The following SLC9C1 variants were observed in gnomAD, a reference collection of about 807,000 sequenced individuals.
The protein encoded by SLC9C1 is solute carrier family 9 member C1.
SLC9C1 carries 97 observed loss-of-function variants against 140.9 expected under a neutral mutation model. That is an observed-to-expected ratio of 0.69 (90% CI 0.58 to 0.82). SLC9C1 has a LOEUF of 0.82. SLC9C1 is among the 40% of genes least tolerant of loss of function. The pLI, the probability that SLC9C1 is intolerant of heterozygous loss-of-function variation, is 0.00. For synonymous variants in SLC9C1, 440 were observed against 442.6 expected (o/e 0.99, Z 0.07); for missense variants, 1,340 against 1,389.3 (o/e 0.96, Z 0.56).
At chr3:112,206,691 T>C (rs993356008) in intron 16 of SLC9C1, among the ~76,000 whole-genome samples, 4 of 151,964 alleles carry the variant, frequency 2.6e-5, no homozygotes, top group Non-Finnish European at 4.4e-5. Context: ...ATGTCCTTTG[T>C]AGGGACATGG....
At chr3:112,191,118 G>GT (rs2077652525) in intron 20 of SLC9C1, among the ~76,000 whole-genome samples, 3 of 152,000 alleles carry the variant, frequency 2.0e-5, no homozygotes, top group African/African-American at 4.8e-5. Flanking sequence ...GTTTTTGATG[G>GT]TTTTCTCTAT....
At chr3:112,147,674 T>C (rs930697593) in intron 28 of SLC9C1, among the ~76,000 whole-genome samples, 4 of 152,154 alleles carry the variant, frequency 2.6e-5, no homozygotes, top group African/African-American at 9.7e-5. Flanking sequence ...GGAGTTCCCA[T>C]TGTATGTTAT....
At position 112,263,000 on chromosome 3, in the gene SLC9C1, C is replaced by G. The variant is rs754844453; in HGVS notation, c.1121G>C (p.Gly374Ala). 16 of 1,606,430 alleles carry G rather than the reference C, an allele frequency of 1.0e-5. No homozygotes were observed. The highest frequency in any genetic ancestry group is 1.7e-6 in the Non-Finnish European group (2 of 1,176,702). The change falls in exon 10 of 29, where the codon GGG becomes GCG. Residue 374 changes from glycine to alanine, a missense_variant. Transcript: ENST00000305815. ...AAGGGCCATGTTTATATTAGGCATC[C>G]CCTTCATTTCACTACAGACCATTAT... Reference protein sequence around the residue: ...IFIMVCSEMKGMPNINMALLL... With the variant: ...IFIMVCSEMKAMPNINMALLL...
At chr3:112,247,382 A>T (rs1223847473) in intron 10 of SLC9C1, among the ~76,000 whole-genome samples, 1 of 152,220 alleles carries the variant, frequency 6.6e-6, no homozygotes, top group African/African-American at 2.4e-5. Context: ...GTGTTGAAAT[A>T]TAAAACTATT....
rs547180782 is a variant in SLC9C1, at chr3:112,196,980, A to G, written c.2523+2341T>C. ...TTTAAAAAAAAAAAACTGAATTTGA[A>G]TTAAACAATGTGGTAATTCTGGAAC... On this transcript the variant is annotated intron_variant, in intron 20 of 28. Coordinates refer to ENST00000305815, the MANE Select transcript of SLC9C1 (RefSeq NM_183061.3). 6.6e-5 allele frequency among the ~76,000 whole-genome samples: 10 copies of G among 150,834 alleles called. No individual in the cohort carries two copies. The South Asian group carries it at 2.1e-3, about 31-fold the overall frequency.
At chr3:112,263,701 G>A (rs982693787) in intron 9 of SLC9C1, among the ~76,000 whole-genome samples, 4 of 151,676 alleles carry the variant, frequency 2.6e-5, no homozygotes, top group Non-Finnish European at 4.4e-5. Flanking sequence ...TAGTTATGGT[G>A]GTTTTTCTCA....
intron 22 of SLC9C1, among the ~76,000 whole-genome samples, chr3:112,180,273 G>A (rs2077414181): frequency 6.6e-6 from 1 of 152,244 alleles, no homozygotes; most frequent in Non-Finnish European, 1.5e-5. Context: ...TGTAACCCCA[G>A]CACTTTGGGA....
intron 18 of SLC9C1, 86 bp from the exon 19 acceptor site, chr3:112,200,848 C>A: frequency 8.4e-7 from 1 of 1,195,158 alleles, no homozygotes; most frequent in South Asian, 1.4e-5. Context: ...GATTTTTAAC[C>A]TAAGTTAATA....
At chr3:112,238,936 C>T (rs2079066918) in intron 12 of SLC9C1, among the ~76,000 whole-genome samples, 1 of 152,206 alleles carries the variant, frequency 6.6e-6, no homozygotes, top group African/African-American at 2.4e-5. Context: ...TCTGTCTGTT[C>T]TCAGATCTCA....
intron 13 of SLC9C1, among the ~76,000 whole-genome samples, chr3:112,229,285 A>G (rs2078759885): frequency 1.3e-5 from 2 of 152,096 alleles, no homozygotes; most frequent in Non-Finnish European, 2.9e-5. Context: ...ATTATAGTAA[A>G]CACTAATCTA....
chr3:112,150,309 T>C (rs1403362012), intron 28 of SLC9C1, among the ~76,000 whole-genome samples: 1 of 152,182 alleles, frequency 6.6e-6, no homozygotes, highest in East Asian at 1.9e-4. Context: ...TCCAGTGCCT[T>C]TCTCCTAAGT....
At chr3:112,255,235 C>T (rs2079572681) in intron 10 of SLC9C1, among the ~76,000 whole-genome samples, 1 of 152,076 alleles carries the variant, frequency 6.6e-6, no homozygotes, top group Admixed American at 6.6e-5. Context: ...CCAAATGGAC[C>T]TTATGGACCT....
At chr3:112,167,469 A>T in intron 25 of SLC9C1, 122 bp from the exon 26 acceptor site, 2 of 933,574 alleles carry the variant, frequency 2.1e-6, no homozygotes, top group Non-Finnish European at 3.0e-6. Context: ...ATATTAACAA[A>T]TCAACACAAA....
At chr3:112,280,892 T>TGTTTTCTCTC (rs2080340087) in intron 2 of SLC9C1, 109 bp from the exon 3 acceptor site, 1 of 959,026 alleles carries the variant, frequency 1.0e-6, no homozygotes, top group Non-Finnish European at 1.6e-6. Context: ...TTTCACTACT[T>TGTTTTCTCTC]TTCATGAGTT....
At chr3:112,195,985 T>C (rs1261863599) in intron 20 of SLC9C1, among the ~76,000 whole-genome samples, 1 of 152,150 alleles carries the variant, frequency 6.6e-6, no homozygotes, top group Admixed American at 6.6e-5. Context: ...TATTTACCTT[T>C]ACTGAGTCTT....
chr3:112,240,020 A>C lies in SLC9C1; in HGVS notation c.1280-14T>G. ...CATCACGAAGACCTTTGATACAAACACACATTTGATAAATAGTAGAAACAC... is the reference window on the plus strand; with the variant it reads ...CATCACGAAGACCTTTGATACAAACCCACATTTGATAAATAGTAGAAACAC... On this transcript the variant is annotated splice_polypyrimidine_tract_variant and intron_variant, in intron 11 of 28. Coordinates refer to ENST00000305815, the MANE Select transcript of SLC9C1 (RefSeq NM_183061.3). The C allele has an allele frequency of 6.3e-7, 1 of 1,597,272 alleles. No individual in the cohort carries two copies. Among genetic ancestry groups the C allele is most frequent in the Non-Finnish European group, 8.5e-7 (1 of 1,171,130 alleles).
intron 1 of SLC9C1, among the ~76,000 whole-genome samples, chr3:112,289,672 A>T (rs1051831603): frequency 6.6e-6 from 1 of 152,158 alleles, no homozygotes; most frequent in African/African-American, 2.4e-5. Flanking sequence ...CAACATACTG[A>T]GTCCTATCTC....
intron 26 of SLC9C1, among the ~76,000 whole-genome samples, chr3:112,160,100 T>C (rs2075248660): frequency 6.6e-6 from 1 of 151,954 alleles, no homozygotes; most frequent in Admixed American, 6.6e-5. Context: ...ACTACTGCCA[T>C]TGTCTTACCT....
At position 112,168,935 on chromosome 3, in the gene SLC9C1, T is replaced by C. The variant is rs747938986; in HGVS notation, c.3179A>G (p.Asp1060Gly). 1 of 1,608,340 alleles carries C rather than the reference T, an allele frequency of 6.2e-7. No homozygotes were observed. The highest frequency in any genetic ancestry group is 1.1e-5 in the South Asian group (1 of 89,160). Residue 1060 changes from aspartate (D) to glycine (G), a missense_variant, in exon 25 of 29, where the codon GAT (aspartate) becomes GGT (glycine). By Grantham distance (94) the Asp-to-Gly change is moderately conservative. Coordinates refer to ENST00000305815, the MANE Select transcript of SLC9C1 (RefSeq NM_183061.3). ...TCTATAAGTTTTTCGTAACAGACAA[T>C]CTTCTACAGCTCCATGTATGAGGAT... ...YVILIHGAVE[D>G]CLLRKTYRAP... is the part of the protein sequence containing the mutation.
Sources: allele counts gnomAD v4.1 joint callset (sites outside exome capture counted in the v4.1 genomes callset), GRCh38; gene constraint gnomAD v4.1.1; transcripts MANE v1.5; gene names NCBI Gene and HGNC (gene_info 2026-07-23, HGNC 2026-07-21).